Variants in MYO6 observed in about 807,000 individuals in gnomAD.
The protein encoded by MYO6 is myosin VI, also known as unconventional myosin-VI.
In MYO6, 74 loss-of-function variants were observed where a neutral mutation model predicts 178.7. The observed-to-expected ratio is 0.41, with a 90% CI of 0.34 to 0.50. The LOEUF is 0.50. Among genes scored for constraint, MYO6 ranks in the 20% least tolerant of loss-of-function variants. MYO6 has a pLI of 0.09. For synonymous variants in MYO6, 477 were observed against 504.6 expected (o/e 0.95, Z 0.73); for missense variants, 1,330 against 1,547.4 (o/e 0.86, Z 2.36).
chr6:75,778,473 T>G (rs1378484831), intron 1 of MYO6, among the ~76,000 whole-genome samples: 4 of 151,862 alleles, frequency 2.6e-5, no homozygotes, highest in Non-Finnish European at 5.9e-5. Context: ...GGCGGGCGCC[T>G]GTAGTCCCAG....
chr6:75,785,348 A>G (rs958917334), intron 1 of MYO6, among the ~76,000 whole-genome samples: 14 of 152,320 alleles, frequency 9.2e-5, no homozygotes, highest in African/African-American at 3.4e-4. Flanking sequence ...TGGAGGAAGT[A>G]GTATAGTGTA....
chr6:75,907,788 GTGTGTA>G (rs1483354607), intron 31 of MYO6, 80 bp downstream of exon 31: 5 of 890,638 alleles, frequency 5.6e-6, no homozygotes, highest in East Asian at 5.0e-5. Flanking sequence ...TGAGGTGTGT[GTGTGTA>G]TGTGTGTGTG....
intron 29 of MYO6, among the ~76,000 whole-genome samples, chr6:75,895,627 C>T (rs909543206): frequency 1.3e-5 from 2 of 151,760 alleles, no homozygotes; most frequent in East Asian, 1.9e-4. Flanking sequence ...AAGCGACTCT[C>T]CTGCCTCAGC....
chr6:75,869,070 ATTTTTTTTTTTT>A (rs71544072), intron 18 of MYO6, among the ~76,000 whole-genome samples: 1 of 59,854 alleles, frequency 1.7e-5, no homozygotes, highest in African/African-American at 6.6e-5. Flanking sequence ...CTTTATCTCC[ATTTTTTTTTTTT>A]TTTTTTTTTT....
chr6:75,791,743 T>G (rs1768272205), intron 1 of MYO6, among the ~76,000 whole-genome samples: 1 of 152,248 alleles, frequency 6.6e-6, no homozygotes, highest in Non-Finnish European at 1.5e-5. Context: ...TGTTACTATT[T>G]ATTTGTGAAC....
At chr6:75,818,138 T>C (rs576529188) in intron 2 of MYO6, among the ~76,000 whole-genome samples, 1 of 152,224 alleles carries the variant, frequency 6.6e-6, no homozygotes, top group Non-Finnish European at 1.5e-5. Context: ...TTTTGTTCAC[T>C]TAAAATTATT....
At position 75,879,935 on chromosome 6, in the gene MYO6, A is replaced by C; in HGVS notation, c.2193A>C (p.Pro731=). 6.2e-7 allele frequency: 1 copy of C among 1,614,172 alleles called. No homozygotes were observed. The highest frequency in any genetic ancestry group is 8.5e-7 in the Non-Finnish European group (1 of 1,180,014). ...YMPDKLARLD[P]RLFCKALFKA... Reference sequence around the variant, plus strand: ...CAGATAAACTTGCAAGATTGGATCCAAGACTATTTTGTAAGGTATAAATGC... The same window carrying C: ...CAGATAAACTTGCAAGATTGGATCCCAGACTATTTTGTAAGGTATAAATGC... Residue 731 remains proline (P), a synonymous_variant, in exon 21 of 35, where the codon CCA becomes CCC. Transcript: ENST00000369977.
intron 2 of MYO6, among the ~76,000 whole-genome samples, chr6:75,821,562 G>T (rs937500571): frequency 6.6e-6 from 1 of 151,308 alleles, no homozygotes; most frequent in Non-Finnish European, 1.5e-5. Flanking sequence ...TTCTACATTG[G>T]GTGTGACTTA....
At chr6:75,858,863 A>C (rs1216553428) in intron 13 of MYO6, 39 bp from the exon 14 acceptor site, 1 of 1,172,594 alleles carries the variant, frequency 8.5e-7, no homozygotes, top group African/African-American at 1.5e-5. Flanking sequence ...TATGAAGTTG[A>C]TCTCATAATG....
chr6:75,911,266 C>T (rs974329927), intron 32 of MYO6, among the ~76,000 whole-genome samples: 2 of 151,700 alleles, frequency 1.3e-5, no homozygotes, highest in African/African-American at 2.4e-5. Context: ...AACGTAGTAA[C>T]GTTTTTACTC....
chr6:75,775,222 C>T (rs1366561316), intron 1 of MYO6, among the ~76,000 whole-genome samples: 3 of 152,110 alleles, frequency 2.0e-5, no homozygotes, highest in Admixed American at 2.0e-4. Context: ...TATAATCCTC[C>T]CGGGATTTGG....
chr6:75,782,759 A>G (rs940777617), intron 1 of MYO6, among the ~76,000 whole-genome samples: 5 of 151,998 alleles, frequency 3.3e-5, no homozygotes, highest in Admixed American at 2.0e-4. Context: ...TGTGCATACT[A>G]TCTCTTAAGC....
At chr6:75,776,652 C>CTG (rs1562140941) in intron 1 of MYO6, among the ~76,000 whole-genome samples, 4 of 98,772 alleles carry the variant, frequency 4.0e-5, no homozygotes, top group Non-Finnish European at 8.8e-5. Flanking sequence ...TAGAAACGTG[C>CTG]AGTGTGTGTG....
At chr6:75,898,563 C>G (rs755112413) in intron 30 of MYO6, 152 bp downstream of exon 30, 8 of 692,778 alleles carry the variant, frequency 1.2e-5, no homozygotes, top group Non-Finnish European at 2.0e-5. Context: ...TATCACTTCT[C>G]CCTCACCCCA....
At chr6:75,842,117 T>C (rs755583221) in intron 9 of MYO6, among the ~76,000 whole-genome samples, 30 of 152,136 alleles carry the variant, frequency 2.0e-4, no homozygotes, top group Admixed American at 4.6e-4. Flanking sequence ...TGCCAGGCAT[T>C]GGGCCAGGAT....
chr6:75,884,915 G>T (rs1778311427), intron 23 of MYO6, among the ~76,000 whole-genome samples: 1 of 152,188 alleles, frequency 6.6e-6, no homozygotes, highest in South Asian at 2.1e-4. Context: ...AGGCTGTGTG[G>T]CTCCTAAACC....
intron 33 of MYO6, among the ~76,000 whole-genome samples, chr6:75,913,748 G>T (rs1025832055): frequency 6.6e-6 from 1 of 152,088 alleles, no homozygotes; most frequent in African/African-American, 2.4e-5. Context: ...TTCCTGCCGT[G>T]TGAGTTTATT....
rs533187473 is a variant in MYO6 at position 75,754,755 on chromosome 6, A to G, written c.-48+5332A>G. On this transcript the variant is annotated intron_variant, in intron 1 of 34. Coordinates refer to ENST00000369977, the MANE Select transcript of MYO6 (RefSeq NM_004999.4). ...AAGAGTTGCAGAGATATGAAAAAAT[A>G]AATAGAAACCATCCATTTGAAATCC... Among the ~76,000 whole-genome samples the G allele has an allele frequency of 4.6e-5, 7 of 152,312 alleles. No homozygotes were observed. The East Asian group carries it at 1.3e-3, about 29-fold the overall frequency.
chr6:75,817,505 C>T lies in MYO6; in HGVS notation c.-43C>T, dbSNP rs368566872. ...GTATTTGTTCCTTTGAAACAGGTGA[C>T]AGTGGATAGTGGAAACAGGAGATCG... is the stretch of plus-strand genomic sequence containing the variant. On this transcript the variant is annotated 5_prime_UTR_variant, in exon 2 of 35. Coordinates refer to ENST00000369977, the MANE Select transcript of MYO6 (RefSeq NM_004999.4). The T allele has an allele frequency of 1.4e-6, 2 of 1,424,688 alleles. No individual in the cohort carries two copies. Among genetic ancestry groups the T allele is most frequent in the Non-Finnish European group, 2.0e-6 (2 of 1,007,324 alleles). The allele number at this position is 1,424,688 out of a possible 1,614,324, so 88.3% of individuals were successfully genotyped here.
Sources: gnomAD v4.1 joint callset for allele counts (sites outside exome capture counted in the v4.1 genomes callset) on GRCh38, gnomAD v4.1.1 for gene constraint, MANE v1.5 for transcripts, NCBI Gene and HGNC (gene_info 2026-07-23, HGNC 2026-07-21) for gene names.